SEMA4D: variants seen among roughly 807,000 people sequenced by gnomAD.
SEMA4D encodes semaphorin 4D, also known as semaphorin-4D.
In SEMA4D, 22 loss-of-function variants were observed where a neutral mutation model predicts 74.8. The observed-to-expected ratio is 0.29, with a 90% CI of 0.21 to 0.42. The LOEUF is 0.42. Among genes scored for constraint, SEMA4D ranks in the 10% least tolerant of loss-of-function variants. The pLI, the probability that SEMA4D is intolerant of heterozygous loss-of-function variation, is 1.00. For synonymous variants in SEMA4D, 445 were observed against 463.7 expected, an observed-to-expected ratio of 0.96 and a Z score of 0.52; for missense variants, 937 against 1,118.4, an observed-to-expected ratio of 0.84 and a Z score of 2.31.
chr9:89,466,491 T>C (rs1369797275), intron 1 of SEMA4D, among the ~76,000 whole-genome samples: 1 of 152,138 alleles, frequency 6.6e-6, no homozygotes, highest in African/African-American at 2.4e-5. Context: ...CATGCTTGAC[T>C]GCTCTCCATA....
rs1158168446 is a variant in SEMA4D at position 89,488,352 on chromosome 9, CTTTTTTTTTT to C, written c.-310+9557_-310+9566del. Among the ~76,000 whole-genome samples the C allele has an allele frequency of 1.4e-4, 9 of 62,618 alleles. 1 individual carries two copies. The South Asian group carries it at 3.8e-3, about 26-fold the overall frequency. 41.1% of individuals were successfully genotyped at this position (62,618 alleles called of 152,430 possible). Reference sequence around the variant, plus strand: ...AATTAACTCGAAATGGATCACAGATCTTTTTTTTTTTTTTTTTTTTTTTTTTTTGAGAACA... The same window carrying C: ...AATTAACTCGAAATGGATCACAGATCTTTTTTTTTTTTTTTTTTGAGAACA... On this transcript the variant is annotated intron_variant, in intron 1 of 15. Coordinates refer to ENST00000422704, the MANE Select transcript of SEMA4D (RefSeq NM_001371194.2).
Position 89,400,125 on chromosome 9 carries a change from C to T in SEMA4D, c.253-787G>A, listed in dbSNP as rs578079753. ...ACGATTCCTTAAACTTGCATGTTGGCAGCAGGAGGAAGTGATGAACTAACA... is the reference window on the plus strand; with the variant it reads ...ACGATTCCTTAAACTTGCATGTTGGTAGCAGGAGGAAGTGATGAACTAACA... On this transcript the variant is annotated intron_variant, in intron 4 of 15. Transcript: ENST00000422704. 1.3e-4 allele frequency among the ~76,000 whole-genome samples: 19 copies of T among 151,672 alleles called. No individual in the cohort carries two copies. In the South Asian group the frequency reaches 4.0e-3, roughly 32 times the overall value.
intron 6 of SEMA4D, among the ~76,000 whole-genome samples, chr9:89,395,934 A>T (rs777461855): frequency 2.1e-4 from 32 of 152,316 alleles, no homozygotes; most frequent in Non-Finnish European, 4.4e-4. Flanking sequence ...AAATCCAGGG[A>T]TACACAGTAG....
chr9:89,426,631 T>G (rs746654874), intron 2 of SEMA4D, among the ~76,000 whole-genome samples: 6 of 152,142 alleles, frequency 3.9e-5, no homozygotes, highest in Non-Finnish European at 7.4e-5. Flanking sequence ...GTACTGACCT[T>G]AAATGCTGTC....
intron 2 of SEMA4D, among the ~76,000 whole-genome samples, chr9:89,421,511 C>T (rs905388355): frequency 1.8e-4 from 28 of 152,170 alleles, no homozygotes; most frequent in Admixed American, 2.0e-4. Context: ...GGATATACCC[C>T]ATGTGTGCAA....
chr9:89,404,996 C>T (rs1843014930), intron 3 of SEMA4D, among the ~76,000 whole-genome samples: 1 of 135,634 alleles, frequency 7.4e-6, no homozygotes, highest in African/African-American at 3.1e-5. Flanking sequence ...AGCCACTCAC[C>T]TCAGCATCCC....
intron 2 of SEMA4D, among the ~76,000 whole-genome samples, chr9:89,409,476 A>C (rs1844049016): frequency 6.6e-6 from 1 of 152,212 alleles, no homozygotes; most frequent in African/African-American, 2.4e-5. Flanking sequence ...GGGGATTCTG[A>C]AAATGAGGGG....
rs1050882084 is a variant in SEMA4D, at chr9:89,399,333, A to G, written c.258T>C (p.Tyr86=). The part of the protein sequence containing the change: ...LNISEKQHEV[Y]WKVSEDKKAK... The stretch of plus-strand genomic sequence containing the variant: ...CTTTTTTGTCTTCTGAGACCTTCCA[A>G]TACACCTGTTGGGATAGAGTCCATA... The change falls in exon 5 of 16, where the codon TAT becomes TAC. Residue 86 remains tyrosine, a synonymous_variant. Coordinates refer to ENST00000422704, the MANE Select transcript of SEMA4D (RefSeq NM_001371194.2). The G allele has an allele frequency of 1.2e-6, 2 of 1,611,400 alleles. No homozygotes were observed. Among genetic ancestry groups the G allele is most frequent in the African/African-American group, 1.3e-5 (1 of 74,882 alleles).
chr9:89,404,150 A>C (rs1192634557), intron 3 of SEMA4D, among the ~76,000 whole-genome samples: 1 of 152,100 alleles, frequency 6.6e-6, no homozygotes, highest in African/African-American at 2.4e-5. Context: ...ATCCTCCAAG[A>C]GAAGAAATAA....
rs1272665938 is a variant in SEMA4D at position 89,498,044 on chromosome 9, C to G, written c.-435G>C. On this transcript the variant is annotated 5_prime_UTR_variant, in exon 1 of 16. Transcript: ENST00000422704. ...CCGGGGAGGGGGTGGCGGGGAGGCC[C>G]GGCGGCGGCAGCGGCGGCTGGGATG... The G allele has an allele frequency of 4.7e-5, 7 of 147,698 alleles. No homozygotes were observed. Among genetic ancestry groups the G allele is most frequent in the Non-Finnish European group, 1.1e-4 (7 of 66,042 alleles). The allele number at this position is 147,698 out of a possible 1,614,324, so 9.1% of individuals were successfully genotyped here.
chr9:89,361,342 T>C (rs1190953735), exon 19 of SEMA4D: 1 of 152,180 alleles, frequency 6.6e-6, no homozygotes, highest in Non-Finnish European at 1.5e-5. Context: ...GCAAAACAGG[T>C]CATTGTCACA....
intron 1 of SEMA4D, among the ~76,000 whole-genome samples, chr9:89,477,198 C>T (rs1254980266): frequency 6.6e-6 from 1 of 152,162 alleles, no homozygotes; most frequent in Non-Finnish European, 1.5e-5. Flanking sequence ...CCTATGAGCA[C>T]ACATGTGCAG....
intron 2 of SEMA4D, among the ~76,000 whole-genome samples, chr9:89,413,794 A>G (rs997624353): frequency 3.3e-5 from 5 of 152,218 alleles, no homozygotes; most frequent in Non-Finnish European, 7.3e-5. Context: ...GTATCTGTGT[A>G]TGCATATACA....
At chr9:89,466,274 T>C (rs939934903) in intron 1 of SEMA4D, among the ~76,000 whole-genome samples, 1 of 152,224 alleles carries the variant, frequency 6.6e-6, no homozygotes, top group African/African-American at 2.4e-5. Flanking sequence ...ATCACTCCGC[T>C]CTGAGTTCCC....
chr9:89,393,646 A>T lies in SEMA4D; in HGVS notation c.424T>A (p.Ser142Thr). The T allele has an allele frequency of 6.2e-7, 1 of 1,610,286 alleles. No individual in the cohort carries two copies. Residue 142 changes from serine (S) to threonine (T), a missense_variant, in exon 7 of 16, where the codon TCC (serine) becomes ACC (threonine). Physicochemically the swap from Ser to Thr is moderately conservative, Grantham distance 58. Transcript: ENST00000422704. The part of the protein sequence containing the change: ...QPACDHLNLT[S>T]FKFLGKNEDG... ...TCATTTTTCCCCAGAAACTTAAAGGATGTTAAGTTCTACAATTGAATAAAA... is the reference window on the plus strand; with the variant it reads ...TCATTTTTCCCCAGAAACTTAAAGGTTGTTAAGTTCTACAATTGAATAAAA...
intron 1 of SEMA4D, among the ~76,000 whole-genome samples, chr9:89,458,171 G>A (rs977787589): frequency 4.6e-5 from 7 of 152,208 alleles, no homozygotes; most frequent in Admixed American, 2.0e-4. Flanking sequence ...GTGGCCTTAC[G>A]TATGCATGTG....
At chr9:89,496,437 G>A (rs915154831) in intron 1 of SEMA4D, among the ~76,000 whole-genome samples, 1 of 152,206 alleles carries the variant, frequency 6.6e-6, no homozygotes, top group African/African-American at 2.4e-5. Flanking sequence ...CCTGGCACCA[G>A]TGATGTGTTT....
At chr9:89,449,476 GCT>G (rs768411738) in intron 2 of SEMA4D, 15 of 716,372 alleles carry the variant, frequency 2.1e-5, no homozygotes, top group Non-Finnish European at 3.6e-5. Context: ...GATCGAGGGA[GCT>G]CTGACCACAG....
rs1444965085 is a variant in SEMA4D, at chr9:89,471,754, ATG to A, written c.-309-15803_-309-15802del. Among the ~76,000 whole-genome samples the A allele has an allele frequency of 7.4e-3, 1,112 of 150,686 alleles. 74 individuals are homozygous for A. The highest frequency in any genetic ancestry group is 0.014 in the Middle Eastern group (4 of 292). On this transcript the variant is annotated intron_variant, in intron 1 of 15. Coordinates refer to ENST00000422704, the MANE Select transcript of SEMA4D (RefSeq NM_001371194.2). Reference sequence around the variant, plus strand: ...CTGAGGTGCATGCCAGCTCAGGTGCATGCCAACTCAGGTGCATATAGGTTGAG... The same window carrying A: ...CTGAGGTGCATGCCAGCTCAGGTGCACCAACTCAGGTGCATATAGGTTGAG...
Sources: gnomAD v4.1 joint callset for allele counts (sites outside exome capture counted in the v4.1 genomes callset) on GRCh38, gnomAD v4.1.1 for gene constraint, MANE v1.5 for transcripts, NCBI Gene and HGNC (gene_info 2026-07-23, HGNC 2026-07-21) for gene names.